PLIN4: variants seen among roughly 807,000 people sequenced by gnomAD.
The protein encoded by PLIN4 is perilipin 4, also known as perilipin-4.
A neutral mutation model predicts 52.4 loss-of-function variants in PLIN4; 57 were observed. The observed-to-expected ratio is 1.09, with a 90% CI of 0.88 to 1.36. PLIN4 has a LOEUF of 1.36. Ranked by LOEUF, PLIN4 falls within the 40% of genes most tolerant of loss-of-function variation. PLIN4 has a pLI of 0.00. For synonymous variants in PLIN4, 826 were observed against 785.4 expected (o/e 1.05, Z -0.86); for missense variants, 1,757 against 1,770.3 (o/e 0.99, Z 0.13).
Position 4,510,638 on chromosome 19 carries a change from C to A in PLIN4, c.3322G>T (p.Glu1108Ter). Residue 1108 changes from glutamate (E) to a stop codon, truncating the protein, a stop_gained, in exon 5 of 8, where the codon GAA (glutamate) becomes TAA (stop). Coordinates refer to ENST00000301286, the MANE Select transcript of PLIN4 (RefSeq NM_001367868.2). LOFTEE classifies it high-confidence loss of function. ...VLSVGPEPAW[E>*]AAATTKGLAT... The stretch of plus-strand genomic sequence containing the variant: ...AGGCCCTTGGTAGTGGCTGCGGCTT[C>A]CCAGGCAGGCTCCGGGCCTACACTG... 1 of 1,507,076 alleles carries A rather than the reference C, an allele frequency of 6.6e-7. No homozygotes were observed. The allele number at this position is 1,507,076 out of a possible 1,614,324, so 93.4% of individuals were successfully genotyped here.
Position 4,512,801 on chromosome 19 carries a change from C to G in PLIN4, c.1159G>C (p.Gly387Arg), listed in dbSNP as rs191111615. 1.3e-6 allele frequency: 2 copies of G among 1,562,690 alleles called. No individual in the cohort carries two copies. Among genetic ancestry groups the G allele is most frequent in the Non-Finnish European group, 1.7e-6 (2 of 1,161,158 alleles). The stretch of plus-strand genomic sequence containing the variant: ...ATAGACTTGGTGGTATCCAGGCCCC[C>G]CTGGATGGCCTCTTTGGCCAAGTTC... ...AVNLAKEAIQ[G>R]GLDTTKSMVM... is the part of the protein sequence containing the mutation. The change falls in exon 5 of 8, where the codon GGG becomes CGG. Residue 387 changes from glycine to arginine, a missense_variant. Coordinates refer to ENST00000301286, the MANE Select transcript of PLIN4 (RefSeq NM_001367868.2).
intron 6 of PLIN4, among the ~76,000 whole-genome samples, chr19:4,506,777 T>G (rs1976107334): frequency 1.3e-5 from 2 of 152,264 alleles, no homozygotes; most frequent in Non-Finnish European, 1.5e-5. Context: ...GATCAGCCGC[T>G]TGCAGCGTGC....
chr19:4,509,091 C>T (rs1290372666), intron 5 of PLIN4, 136 bp from the exon 6 acceptor site: 15 of 769,998 alleles, frequency 1.9e-5, no homozygotes, highest in African/African-American at 5.3e-5. Context: ...GGGCAGATCA[C>T]GAGGTCAGGA....
At chr19:4,516,145 CG>C (rs1284022033) in intron 4 of PLIN4, among the ~76,000 whole-genome samples, 1 of 152,036 alleles carries the variant, frequency 6.6e-6, no homozygotes, top group Non-Finnish European at 1.5e-5. Context: ...CTGGGCATGG[CG>C]GTGAGCACTT....
chr19:4,517,792 C>T (rs1412229692), intron 2 of PLIN4, 94 bp from the exon 3 acceptor site: 35 of 1,443,590 alleles, frequency 2.4e-5, no homozygotes, highest in East Asian at 5.1e-5. Flanking sequence ...AATGCCGCCC[C>T]GGCCCCTTGC....
chr19:4,510,437 T>C lies in PLIN4; in HGVS notation c.3514+9A>G. The C allele has an allele frequency of 1.4e-6, 2 of 1,399,954 alleles. No homozygotes were observed. Among genetic ancestry groups the C allele is most frequent in the Non-Finnish European group, 1.9e-6 (2 of 1,072,774 alleles). 86.7% of individuals were successfully genotyped at this position (1,399,954 alleles called of 1,614,324 possible). ...CCTCAGGGACCCATGAACCCAGGCGTCCCCTCACCTTGCTCCTCCGCATTC... is the reference window on the plus strand; with the variant it reads ...CCTCAGGGACCCATGAACCCAGGCGCCCCCTCACCTTGCTCCTCCGCATTC... On this transcript the variant is annotated intron_variant, in intron 5 of 7. Coordinates refer to ENST00000301286, the MANE Select transcript of PLIN4 (RefSeq NM_001367868.2).
Position 4,518,216 on chromosome 19 carries a change from C to G in PLIN4, c.51+6G>C. 8.1e-7 allele frequency: 1 copy of G among 1,233,322 alleles called. No individual in the cohort carries two copies. Among genetic ancestry groups the G allele is most frequent in the East Asian group, 3.2e-5 (1 of 31,730 alleles). 76.4% of individuals were successfully genotyped at this position (1,233,322 alleles called of 1,614,324 possible). A position where few individuals can be genotyped will look rare whatever the true frequency, so the allele number is the denominator to read the frequency against. On this transcript the variant is annotated splice_donor_region_variant and intron_variant, in intron 2 of 7. Coordinates refer to ENST00000301286, the MANE Select transcript of PLIN4 (RefSeq NM_001367868.2). ...AGCAAGAATCTGCCCCATTTCCCCT[C>G]TTTACCTTGCCCTTCGGTTTGGGGG...
At chr19:4,507,962 C>T (rs994260207) in intron 6 of PLIN4, among the ~76,000 whole-genome samples, 4 of 152,148 alleles carry the variant, frequency 2.6e-5, no homozygotes, top group African/African-American at 9.7e-5. Context: ...GGGTGCATGA[C>T]CCCTGGATGC....
rs1385199822 is a variant in PLIN4, at chr19:4,511,833, A to AAG, written c.2126_2127insCT (p.Val710LeufsTer18). 2 of 1,610,174 alleles carry AAG rather than the reference A, an allele frequency of 1.2e-6. No individual in the cohort carries two copies. Among genetic ancestry groups the AAG allele is most frequent in the African/African-American group, 2.7e-5 (2 of 74,584 alleles). ...TGGTCTGGACAGTCCCTTTGGCGAC[A>AAG]TTCACTGCCCCCATGAGCCCAGTAG... On this transcript the variant is annotated frameshift_variant, in exon 5 of 8. Coordinates refer to ENST00000301286, the MANE Select transcript of PLIN4 (RefSeq NM_001367868.2). LOFTEE classifies it high-confidence loss of function.
At chr19:4,506,177 C>A (rs1173463848) in intron 6 of PLIN4, among the ~76,000 whole-genome samples, 1 of 152,210 alleles carries the variant, frequency 6.6e-6, no homozygotes, top group Non-Finnish European at 1.5e-5. Context: ...CCAGAGCCCT[C>A]CAGGGCTCCC....
chr19:4,506,884 T>C (rs1241821428), intron 6 of PLIN4, among the ~76,000 whole-genome samples: 1 of 152,248 alleles, frequency 6.6e-6, no homozygotes, highest in Non-Finnish European at 1.5e-5. Context: ...CGGCAGCGAC[T>C]GTGCATCTGG....
At position 4,511,325 on chromosome 19, in the gene PLIN4, C is replaced by G. The variant is rs1976319379; in HGVS notation, c.2635G>C (p.Ala879Pro). ...VTGAAKVAKG[A>P]VQGGLDTTKS... ...GTAGTGTCCAGGCCCCCCTGGACGG[C>G]CCCTTTGGCCACTTTCGCAGCACCG... The change falls in exon 5 of 8, where the codon GCC becomes CCC. Residue 879 changes from alanine (A) to proline (P), a missense_variant. Transcript: ENST00000301286. 1 of 1,606,786 alleles carries G rather than the reference C, an allele frequency of 6.2e-7. No homozygotes were observed. Among genetic ancestry groups the G allele is most frequent in the African/African-American group, 1.4e-5 (1 of 73,396 alleles).
intron 6 of PLIN4, among the ~76,000 whole-genome samples, 180 bp downstream of exon 6, chr19:4,508,588 T>G (rs1328974880): frequency 6.6e-6 from 1 of 152,202 alleles, no homozygotes; most frequent in Non-Finnish European, 1.5e-5. Context: ...TTTAAGGATC[T>G]GATCTAGCTC....
chr19:4,509,305 C>T lies in PLIN4; in HGVS notation c.3515-350G>A, dbSNP rs1360274957. ...CAGCCTGGGTAAGAGTGCGAGACTC[C>T]GTCTCAAAAAAAAAAAAAAAGTTAA... On this transcript the variant is annotated intron_variant, in intron 5 of 7. Coordinates refer to ENST00000301286, the MANE Select transcript of PLIN4 (RefSeq NM_001367868.2). Among the ~76,000 whole-genome samples, 6 of 908 alleles carry T rather than the reference C, an allele frequency of 6.6e-3. 1 individual carries two copies. The highest frequency in any genetic ancestry group is 0.05 in the Admixed American group (4 of 80). 0.6% of individuals were successfully genotyped at this position (908 alleles called of 152,430 possible).
At position 4,511,684 on chromosome 19, in the gene PLIN4, A is replaced by G. The variant is rs368903378; in HGVS notation, c.2276T>C (p.Leu759Pro). 4.2e-6 allele frequency: 5 copies of G among 1,193,754 alleles called. 1 individual carries two copies. Among genetic ancestry groups the G allele is most frequent in the East Asian group, 3.4e-5 (1 of 29,526 alleles). 73.9% of individuals were successfully genotyped at this position (1,193,754 alleles called of 1,614,324 possible). ...QGGLDTTKSV[L>P]TGTKDAVSTG... is the part of the protein sequence containing the mutation. ...GGACACAGCATCTTTAGTGCCAGTC[A>G]GGACAGACTTTGTAGTGTCCAGGCC... is the stretch of plus-strand genomic sequence containing the variant. Residue 759 changes from leucine (L) to proline (P), a missense_variant, in exon 5 of 8, where the codon CTG becomes CCG. Coordinates refer to ENST00000301286, the MANE Select transcript of PLIN4 (RefSeq NM_001367868.2).
In PLIN4 at chr19:4,508,089, C is replaced by T. The variant is rs142159693; in HGVS notation, c.3702+679G>A. Reference sequence around the variant, plus strand: ...CCAGCCACAGCGCCGCCTTTCCATTCCCCGAACACACCCAGCTTGCTCCCC... The same window carrying T: ...CCAGCCACAGCGCCGCCTTTCCATTTCCCGAACACACCCAGCTTGCTCCCC... On this transcript the variant is annotated intron_variant, in intron 6 of 7. Coordinates refer to ENST00000301286, the MANE Select transcript of PLIN4 (RefSeq NM_001367868.2). Among the ~76,000 whole-genome samples the T allele has an allele frequency of 2.4e-3, 371 of 152,298 alleles. 1 individual carries two copies. The highest frequency in any genetic ancestry group is 8.5e-3 in the African/African-American group (355 of 41,558).
chr19:4,511,435 A>G lies in PLIN4; in HGVS notation c.2525T>C (p.Val842Ala). The G allele has an allele frequency of 6.5e-7, 1 of 1,531,756 alleles. No individual in the cohort carries two copies. The highest frequency in any genetic ancestry group is 8.9e-7 in the Non-Finnish European group (1 of 1,120,816). 94.9% of individuals were successfully genotyped at this position (1,531,756 alleles called of 1,614,324 possible). A position where few individuals can be genotyped will look rare whatever the true frequency, so the allele number is the denominator to read the frequency against. Residue 842 changes from valine (V) to alanine (A), a missense_variant, in exon 5 of 8, where the codon GTG (valine) becomes GCG (alanine). Transcript: ENST00000301286. ...CCCAGTTTGCACAGCACCCTTGGCC[A>G]CGTTCGCAGCACCGGTGACCCCACT... is the stretch of plus-strand genomic sequence containing the variant. ...VCSGVTGAAN[V>A]AKGAVQTGLK... is the part of the protein sequence containing the mutation.
intron 5 of PLIN4, among the ~76,000 whole-genome samples, chr19:4,509,328 T>TAAAAAAA (rs1976212582): frequency 4.8e-5 from 1 of 20,914 alleles, no homozygotes; most frequent in Non-Finnish European, 1.1e-4. Context: ...AAAAAAAAGT[T>TAAAAAAA]AAGTGAGGCC....
At position 4,510,919 on chromosome 19, in the gene PLIN4, C is replaced by T; in HGVS notation, c.3041G>A (p.Gly1014Glu). ...CACTGTCTTGGTGGTGTCCAGGCCC[C>T]CCTGGACGGCCCCTTTGGCCATGCT... ...AMSMAKGAVQ[G>E]GLDTTKTVLT... The change falls in exon 5 of 8, where the codon GGG (glycine) becomes GAG (glutamate). Residue 1014 changes from glycine to glutamate, a missense_variant. Transcript: ENST00000301286. The T allele has an allele frequency of 6.2e-7, 1 of 1,613,556 alleles. No individual in the cohort carries two copies. The highest frequency in any genetic ancestry group is 1.1e-5 in the South Asian group (1 of 91,084).
Sources: gnomAD v4.1 joint callset for allele counts (sites outside exome capture counted in the v4.1 genomes callset) on GRCh38, gnomAD v4.1.1 for gene constraint, MANE v1.5 for transcripts, NCBI Gene and HGNC (gene_info 2026-07-23, HGNC 2026-07-21) for gene names.